HIVEP1: variants seen among roughly 807,000 people sequenced by gnomAD.
HIVEP1 encodes the protein zinc finger protein 40.
A neutral mutation model predicts 180.0 loss-of-function variants in HIVEP1; 36 were observed. The ratio of observed to expected loss-of-function variants is 0.20; its 90% CI spans 0.15 to 0.26. The LOEUF is 0.26. Ranked by LOEUF, HIVEP1 falls within the 10% of genes least tolerant of loss-of-function variation. The pLI is 1.00. For missense variants in HIVEP1, 3,143 were observed against 3,268.7 expected (o/e 0.96, Z 0.94); for synonymous variants, 1,239 against 1,239.0 (o/e 1.00, Z 0.00).
At chr6:12,014,488 C>T (rs1472473885) in intron 1 of HIVEP1, among the ~76,000 whole-genome samples, 1 of 152,224 alleles carries the variant, frequency 6.6e-6, no homozygotes, top group African/African-American at 2.4e-5. Context: ...TAAGTGTTCT[C>T]TTGTCTTCTA....
At chr6:12,092,150 C>T (rs189827183) in intron 3 of HIVEP1, among the ~76,000 whole-genome samples, 1 of 152,134 alleles carries the variant, frequency 6.6e-6, no homozygotes, top group African/African-American at 2.4e-5. Context: ...TGTATCCACC[C>T]ACATGCTGAT....
downstream of HIVEP1, among the ~76,000 whole-genome samples, chr6:12,168,343 A>G (rs1275669029): frequency 1.5e-5 from 2 of 135,190 alleles, no homozygotes; most frequent in Non-Finnish European, 3.2e-5. Flanking sequence ...AATTATATAT[A>G]CATGTATATG....
At chr6:12,042,897 C>T (rs1429961713) in intron 2 of HIVEP1, among the ~76,000 whole-genome samples, 1 of 152,088 alleles carries the variant, frequency 6.6e-6, no homozygotes, top group Non-Finnish European at 1.5e-5. Flanking sequence ...ATTGGTATTT[C>T]TTGCACTTAG....
intron 3 of HIVEP1, among the ~76,000 whole-genome samples, chr6:12,098,267 G>A (rs1048515115): frequency 6.6e-6 from 1 of 152,180 alleles, no homozygotes; most frequent in African/African-American, 2.4e-5. Context: ...GAAAGATAAA[G>A]TATTTAAGGT....
upstream of HIVEP1, among the ~76,000 whole-genome samples, chr6:12,009,322 T>A (rs1358719105): frequency 6.6e-6 from 1 of 151,940 alleles, no homozygotes; most frequent in Non-Finnish European, 1.5e-5. Context: ...TTGTGCCCTC[T>A]CCAAACTGTT....
intron 2 of HIVEP1, 132 bp downstream of exon 2, chr6:12,015,800 TC>T: frequency 1.4e-6 from 1 of 720,698 alleles, no homozygotes; most frequent in Non-Finnish European, 2.4e-6. Context: ...CTTGCTCATT[TC>T]CAGCAGTCCT....
chr6:12,129,555 A>C lies in HIVEP1; in HGVS notation c.6076-204A>C, dbSNP rs974927468. 17 of 663,308 alleles carry C rather than the reference A, an allele frequency of 2.6e-5. No individual in the cohort carries two copies. The Admixed American group carries it at 3.5e-4, about 14-fold the overall frequency. 41.1% of individuals were successfully genotyped at this position (663,308 alleles called of 1,614,324 possible). On this transcript the variant is annotated intron_variant, in intron 4 of 8. Coordinates refer to ENST00000379388, the MANE Select transcript of HIVEP1 (RefSeq NM_002114.4). ...TGAACTGTGGTGGAATTTTAAATTA[A>C]CATAAGATTTATCAGTTTGCTGTGA...
chr6:12,138,485 C>T (rs917708238), intron 7 of HIVEP1, among the ~76,000 whole-genome samples: 1 of 152,194 alleles, frequency 6.6e-6, no homozygotes, highest in Non-Finnish European at 1.5e-5. Context: ...GATGCTGTGT[C>T]TGGAGGGTGC....
downstream of HIVEP1, among the ~76,000 whole-genome samples, chr6:12,165,346 G>C (rs1760673060): frequency 6.6e-6 from 1 of 152,160 alleles, no homozygotes; most frequent in Admixed American, 6.5e-5. Context: ...ATTGTCCTTA[G>C]AATTTGGCTC....
In HIVEP1 at chr6:12,123,804, G is replaced by A. The variant is rs778870342; in HGVS notation, c.4009G>A (p.Asp1337Asn). The A allele has an allele frequency of 1.2e-5, 20 of 1,613,926 alleles. No individual in the cohort carries two copies. The highest frequency in any genetic ancestry group is 4.4e-5 in the South Asian group (4 of 91,068). Residue 1337 changes from aspartate (D) to asparagine (N), a missense_variant, in exon 4 of 9, where the codon GAT (aspartate) becomes AAT (asparagine). Physicochemically the swap from Asp to Asn is conservative, Grantham distance 23. Around this residue, in one of 12 missense-constraint regions of HIVEP1, gnomAD observed 1,357 missense variants for 1,260.5 expected, o/e 1.08. Transcript: ENST00000379388. ...TAAAACGGAGGCTTCCCCCAAAATCGATTTTCTAAATAAAGCCGAGTTTCT... is the reference window on the plus strand; with the variant it reads ...TAAAACGGAGGCTTCCCCCAAAATCAATTTTCTAAATAAAGCCGAGTTTCT... ...VSKTEASPKI[D>N]FLNKAEFLMI...
chr6:12,108,639 G>A (rs1380673977), intron 3 of HIVEP1, among the ~76,000 whole-genome samples: 2 of 152,244 alleles, frequency 1.3e-5, no homozygotes, highest in African/African-American at 2.4e-5. Flanking sequence ...TGGGTGCTAA[G>A]CCCCTCATTG....
At chr6:12,011,463 T>C (rs1428884980), upstream of HIVEP1, among the ~76,000 whole-genome samples, 2 of 148,714 alleles carry the variant, frequency 1.3e-5, no homozygotes, top group African/African-American at 5.0e-5. Context: ...CCGCCAGGCC[T>C]TCCCGGGGCC....
intron 4 of HIVEP1, among the ~76,000 whole-genome samples, chr6:12,127,150 C>G (rs1012560853): frequency 6.6e-6 from 1 of 151,630 alleles, no homozygotes; most frequent in East Asian, 1.9e-4. Flanking sequence ...TGTGAGCCAC[C>G]GCGCCCAGCA....
intron 3 of HIVEP1, among the ~76,000 whole-genome samples, chr6:12,097,735 T>C (rs934865072): frequency 6.6e-6 from 1 of 152,124 alleles, no homozygotes; most frequent in African/African-American, 2.4e-5. Flanking sequence ...CAAGAGATCA[T>C]TGCCTTTCAG....
In HIVEP1 at chr6:12,160,737, A is replaced by G. The variant is rs1478252575; in HGVS notation, c.6488-702A>G. 5.3e-5 allele frequency among the ~76,000 whole-genome samples: 8 copies of G among 152,244 alleles called. No homozygotes were observed. In the East Asian group the frequency reaches 1.3e-3, roughly 26 times the overall value. ...AACAGTGATTAGTGACTGCCTGTCC[A>G]CGGTTAAGCTATAGAATGTGGGATA... is the stretch of plus-strand genomic sequence containing the variant. On this transcript the variant is annotated intron_variant, in intron 7 of 8. Coordinates refer to ENST00000379388, the MANE Select transcript of HIVEP1 (RefSeq NM_002114.4).
At chr6:12,060,032 G>A (rs1290744375) in intron 2 of HIVEP1, among the ~76,000 whole-genome samples, 1 of 151,882 alleles carries the variant, frequency 6.6e-6, no homozygotes, top group Non-Finnish European at 1.5e-5. Context: ...AATTGATTTC[G>A]AATACATGTT....
intron 2 of HIVEP1, among the ~76,000 whole-genome samples, chr6:12,072,888 A>T (rs1772077837): frequency 6.6e-6 from 1 of 151,642 alleles, no homozygotes; most frequent in African/African-American, 2.4e-5. Context: ...TATTTCCTAT[A>T]TATTATAGTT....
At chr6:12,143,522 G>C (rs1450405880) in intron 7 of HIVEP1, among the ~76,000 whole-genome samples, 1 of 152,182 alleles carries the variant, frequency 6.6e-6, no homozygotes, top group Non-Finnish European at 1.5e-5. Context: ...AATAGTGTTG[G>C]AAGTTCTGGC....
At chr6:12,160,685 C>T (rs1259748894) in intron 7 of HIVEP1, among the ~76,000 whole-genome samples, 2 of 152,180 alleles carry the variant, frequency 1.3e-5, no homozygotes, top group Non-Finnish European at 2.9e-5. Flanking sequence ...ACAGTTCTGT[C>T]AGGAATTCTC....
Sources: allele counts gnomAD v4.1 joint callset (sites outside exome capture counted in the v4.1 genomes callset), GRCh38; gene constraint gnomAD v4.1.1; regional missense constraint gnomAD v4.1.1; transcripts MANE v1.5; gene names NCBI Gene and HGNC (gene_info 2026-07-23, HGNC 2026-07-21).